Variants in DLGAP3 observed in about 807,000 individuals in gnomAD.
DLGAP3 encodes the protein disks large-associated protein 3.
A neutral mutation model predicts 81.2 loss-of-function variants in DLGAP3; 17 were observed. The ratio of observed to expected loss-of-function variants is 0.21; its 90% CI spans 0.14 to 0.31. The LOEUF is 0.31. DLGAP3 is among the 10% of genes least tolerant of loss of function. The pLI, the probability that DLGAP3 is intolerant of heterozygous loss-of-function variation, is 1.00. For missense variants in DLGAP3, 1,124 were observed against 1,388.0 expected, an observed-to-expected ratio of 0.81 and a Z score of 3.02; for synonymous variants, 577 against 587.4, an observed-to-expected ratio of 0.98 and a Z score of 0.26.
At position 34,866,048 on chromosome 1, in the gene DLGAP3, C is replaced by T; in HGVS notation, c.*35G>A. ...TGGGTGTACAGTACGGGTGGAGAAC[C>T]GCGGGCCCGGGCCGGGCTGGGCGGG... is the stretch of plus-strand genomic sequence containing the variant. On this transcript the variant is annotated 3_prime_UTR_variant, in exon 12 of 12. Coordinates refer to ENST00000373347, the MANE Select transcript of DLGAP3 (RefSeq NM_001080418.3). 1.9e-6 allele frequency: 3 copies of T among 1,558,156 alleles called. No individual in the cohort carries two copies. The highest frequency in any genetic ancestry group is 2.6e-6 in the Non-Finnish European group (3 of 1,151,744).
chr1:34,898,587 A>AT (rs1241934579), intron 5 of DLGAP3, among the ~76,000 whole-genome samples: 1 of 152,162 alleles, frequency 6.6e-6, no homozygotes, highest in Non-Finnish European at 1.5e-5. Context: ...TTTGCATTGC[A>AT]TTTTTTCCCC....
Position 34,905,083 on chromosome 1 carries a change from T to C in DLGAP3, c.301A>G (p.Thr101Ala). 1 of 1,592,986 alleles carries C rather than the reference T, an allele frequency of 6.3e-7. No individual in the cohort carries two copies. Among genetic ancestry groups the C allele is most frequent in the Non-Finnish European group, 8.5e-7 (1 of 1,169,656 alleles). Reference sequence around the variant, plus strand: ...GGGTGGCCCACACAGTCTTCACAGGTGTCGAAGGGGCCCTGGCCAGGGTAC... The same window carrying C: ...GGGTGGCCCACACAGTCTTCACAGGCGTCGAAGGGGCCCTGGCCAGGGTAC... ...RMYPGQGPFD[T>A]CEDCVGHPQG... Residue 101 changes from threonine (T) to alanine (A), a missense_variant, in exon 3 of 12, where the codon ACC (threonine) becomes GCC (alanine). Coordinates refer to ENST00000373347, the MANE Select transcript of DLGAP3 (RefSeq NM_001080418.3).
rs1237540656 is a variant in DLGAP3 at position 34,868,362 on chromosome 1, AGT to A, written c.2485+241_2485+242del. 6.6e-6 allele frequency among the ~76,000 whole-genome samples: 1 copy of A among 152,218 alleles called. No individual in the cohort carries two copies. Among genetic ancestry groups the A allele is most frequent in the Non-Finnish European group, 1.5e-5 (1 of 68,034 alleles). On this transcript the variant is annotated intron_variant, in intron 9 of 11. Transcript: ENST00000373347. This position sits in a 1 kb window ranked among gnomAD's most constrained non-coding sequence, Gnocchi z 7.5. ...TAGAAGGCCCAGCCCTTTGGCCTGC[AGT>A]GTCTGCAGTCCCAGCCCTGGCCTCT... is the stretch of plus-strand genomic sequence containing the variant.
rs1243554447 is a variant in DLGAP3, at chr1:34,867,794, G to T, written c.2486-167C>A. On this transcript the variant is annotated intron_variant, in intron 9 of 11. Transcript: ENST00000373347. The surrounding 1 kb of genome is among the most constrained non-coding windows in gnomAD (Gnocchi z 4.3). ...ATCCTCAAGTTCCTAACAAGTTCTC[G>T]CTCCACTACACCAAGACTGTATCCT... Among the ~76,000 whole-genome samples the T allele has an allele frequency of 6.6e-6, 1 of 151,804 alleles. No individual in the cohort carries two copies. Among genetic ancestry groups the T allele is most frequent in the Non-Finnish European group, 1.5e-5 (1 of 67,974 alleles).
intron 8 of DLGAP3, among the ~76,000 whole-genome samples, chr1:34,883,299 T>A (rs1249785685): frequency 6.6e-6 from 1 of 152,238 alleles, no homozygotes; most frequent in East Asian, 1.9e-4. Flanking sequence ...GATGAATGAA[T>A]GAATCAATCA....
intron 5 of DLGAP3, among the ~76,000 whole-genome samples, chr1:34,886,767 G>GTA (rs564935775): frequency 1.3e-3 from 200 of 151,088 alleles, no homozygotes; most frequent in African/African-American, 4.6e-3. Context: ...AAAGCTCTGT[G>GTA]TATATATATA....
At chr1:34,916,860 T>A (rs1313682578) in intron 1 of DLGAP3, among the ~76,000 whole-genome samples, 2 of 151,960 alleles carry the variant, frequency 1.3e-5, no homozygotes, top group Non-Finnish European at 2.9e-5. Context: ...CACGTCTGGC[T>A]AATTCTTTTT....
chr1:34,899,171 C>T (rs1037091381), intron 5 of DLGAP3, among the ~76,000 whole-genome samples: 4 of 151,784 alleles, frequency 2.6e-5, no homozygotes, highest in African/African-American at 9.7e-5. Context: ...CTCATTCTCG[C>T]CATTCTCCTG....
chr1:34,879,069 CAA>C (rs1336780635), intron 8 of DLGAP3, among the ~76,000 whole-genome samples: 2 of 67,826 alleles, frequency 2.9e-5, no homozygotes, highest in Admixed American at 1.8e-4. Context: ...GACTCTGCCT[CAA>C]AAAAAAAAAA....
At chr1:34,918,576 G>A (rs539524675) in intron 1 of DLGAP3, among the ~76,000 whole-genome samples, 10 of 152,308 alleles carry the variant, frequency 6.6e-5, no homozygotes, top group South Asian at 2.1e-4. Flanking sequence ...GAAATCAGCC[G>A]GGGAACAGGC....
chr1:34,880,468 C>T (rs1408133177), intron 8 of DLGAP3, among the ~76,000 whole-genome samples: 14 of 152,186 alleles, frequency 9.2e-5, no homozygotes, highest in Non-Finnish European at 1.3e-4. Flanking sequence ...CAGTGGCTCA[C>T]GCCTGTAATC....
intron 8 of DLGAP3, 31 bp downstream of exon 8, chr1:34,884,947 C>T: frequency 1.3e-6 from 2 of 1,540,630 alleles, no homozygotes; most frequent in South Asian, 2.2e-5. Context: ...TGTCTCCCAG[C>T]GAAGCCTGGG....
chr1:34,885,728 G>C lies in DLGAP3; in HGVS notation c.1664C>G (p.Ser555Cys). 1 of 1,421,014 alleles carries C rather than the reference G, an allele frequency of 7.0e-7. No homozygotes were observed. Among genetic ancestry groups the C allele is most frequent in the Non-Finnish European group, 9.1e-7 (1 of 1,095,942 alleles). 88.0% of individuals were successfully genotyped at this position (1,421,014 alleles called of 1,614,324 possible). Residue 555 changes from serine to cysteine, a missense_variant, in exon 7 of 12, where the codon TCC (serine) becomes TGC (cysteine). This residue lies in a region of DLGAP3 where 379 missense variants were observed against 455.7 expected (regional missense o/e 0.83). Coordinates refer to ENST00000373347, the MANE Select transcript of DLGAP3 (RefSeq NM_001080418.3). Reference protein sequence around the residue: ...PPGSQAPPRISITAQSSTDSA... With the variant: ...PPGSQAPPRICITAQSSTDSA... ...GTCGGTGCTGCTCTGGGCGGTGATGGAGATGCGGGGCGGGGCCTGGCTTCC... is the reference window on the plus strand; with the variant it reads ...GTCGGTGCTGCTCTGGGCGGTGATGCAGATGCGGGGCGGGGCCTGGCTTCC...
chr1:34,913,288 T>C (rs887353368), intron 1 of DLGAP3, among the ~76,000 whole-genome samples: 5 of 152,208 alleles, frequency 3.3e-5, no homozygotes, highest in African/African-American at 1.2e-4. Flanking sequence ...TTTAGGCAGA[T>C]ACAAGTCTAA....
rs61776353 is a variant in DLGAP3, at chr1:34,895,917, T to C, written c.1386+3752A>G. 3.3e-4 allele frequency among the ~76,000 whole-genome samples: 48 copies of C among 144,508 alleles called. No individual in the cohort carries two copies. The highest frequency in any genetic ancestry group is 7.9e-4 in the East Asian group (4 of 5,044). The allele number at this position is 144,508 out of a possible 152,430, so 94.8% of individuals were successfully genotyped here. ...CTGGACCCCTAACTTGAATCACACA[T>C]ACACACACACACACACACACACACA... On this transcript the variant is annotated intron_variant, in intron 5 of 11. Coordinates refer to ENST00000373347, the MANE Select transcript of DLGAP3 (RefSeq NM_001080418.3). The surrounding 1 kb of genome is among the most constrained non-coding windows in gnomAD (Gnocchi z 4.5).
chr1:34,883,828 G>T (rs974701198), intron 8 of DLGAP3, among the ~76,000 whole-genome samples: 1 of 151,968 alleles, frequency 6.6e-6, no homozygotes. Flanking sequence ...ACATCCCAAG[G>T]ACATCCCAGA....
intron 1 of DLGAP3, among the ~76,000 whole-genome samples, chr1:34,926,493 T>A (rs1402689377): frequency 6.6e-6 from 1 of 152,142 alleles, no homozygotes; most frequent in Non-Finnish European, 1.5e-5. Flanking sequence ...AATGCTTGCA[T>A]AGTGGAGGGT....
intron 5 of DLGAP3, among the ~76,000 whole-genome samples, chr1:34,899,348 G>A (rs1019891530): frequency 2.0e-5 from 3 of 152,186 alleles, no homozygotes; most frequent in Non-Finnish European, 2.9e-5. Flanking sequence ...GATCACAGGC[G>A]AGAGCCACTG....
intron 1 of DLGAP3, among the ~76,000 whole-genome samples, chr1:34,919,115 A>C (rs898575617): frequency 5.9e-5 from 9 of 152,158 alleles, no homozygotes; most frequent in Non-Finnish European, 4.4e-5. Flanking sequence ...GAGCGGCTGC[A>C]GCACCCTGGC....
Sources: gnomAD v4.1 joint callset for allele counts (sites outside exome capture counted in the v4.1 genomes callset) on GRCh38, gnomAD v4.1.1 for gene constraint, gnomAD v4.1.1 regional missense constraint, Gnocchi (gnomAD v3.1) non-coding constraint, MANE v1.5 for transcripts, NCBI Gene and HGNC (gene_info 2026-07-23, HGNC 2026-07-21) for gene names.